Variants in PKP4 observed in about 807,000 individuals in gnomAD.
PKP4 encodes plakophilin-4.
In PKP4, 90 loss-of-function variants were observed where a neutral mutation model predicts 145.1. That is an observed-to-expected ratio of 0.62 (90% CI 0.52 to 0.74). The LOEUF (loss-of-function observed/expected upper bound fraction) is 0.74. PKP4 is among the 30% of genes least tolerant of loss of function. PKP4 has a pLI of 0.00. For missense variants in PKP4, 1,340 were observed against 1,482.7 expected (o/e 0.90, Z 1.58); for synonymous variants, 563 against 577.2 (o/e 0.98, Z 0.35).
intron 2 of PKP4, among the ~76,000 whole-genome samples, chr2:158,553,398 A>G (rs1235837129): frequency 6.6e-6 from 1 of 152,216 alleles, no homozygotes; most frequent in Non-Finnish European, 1.5e-5. Flanking sequence ...TGGATGACCC[A>G]CTTGTTTAAT....
At chr2:158,511,300 C>A (rs1346613452) in intron 1 of PKP4, among the ~76,000 whole-genome samples, 1 of 152,060 alleles carries the variant, frequency 6.6e-6, no homozygotes, top group African/African-American at 2.4e-5. Flanking sequence ...GCAGGAGAAT[C>A]ACTTGAACCC....
At chr2:158,485,660 A>G (rs1311744904) in intron 1 of PKP4, among the ~76,000 whole-genome samples, 1 of 152,210 alleles carries the variant, frequency 6.6e-6, no homozygotes, top group Non-Finnish European at 1.5e-5. Context: ...GGTCTCTTTT[A>G]TAAACAAAAC....
intron 7 of PKP4, among the ~76,000 whole-genome samples, 192 bp downstream of exon 7, chr2:158,625,619 A>G (rs2052701219): frequency 6.6e-6 from 1 of 152,214 alleles, no homozygotes; most frequent in African/African-American, 2.4e-5. Context: ...ATACATTTAT[A>G]TCAATAGAAT....
chr2:158,653,001 A>G (rs1282411540), intron 11 of PKP4, among the ~76,000 whole-genome samples: 1 of 152,228 alleles, frequency 6.6e-6, no homozygotes, highest in East Asian at 1.9e-4. Flanking sequence ...AAGAAGGAAA[A>G]TGCAGGGGCC....
intron 2 of PKP4, among the ~76,000 whole-genome samples, chr2:158,551,716 A>T (rs2045641698): frequency 6.6e-6 from 1 of 152,234 alleles, no homozygotes; most frequent in African/African-American, 2.4e-5. Context: ...TAGCTGTACC[A>T]TCAACCTCAT....
chr2:158,504,707 G>A (rs1469529455), intron 1 of PKP4, among the ~76,000 whole-genome samples: 1 of 151,856 alleles, frequency 6.6e-6, no homozygotes, highest in Non-Finnish European at 1.5e-5. Flanking sequence ...ACCTAATCTG[G>A]AATATAAATG....
At chr2:158,602,460 T>C (rs556232120) in intron 3 of PKP4, among the ~76,000 whole-genome samples, 2 of 152,298 alleles carry the variant, frequency 1.3e-5, no homozygotes, top group African/African-American at 2.4e-5. Flanking sequence ...CCTGTATTGA[T>C]TGGGGCAAGA....
chr2:158,577,255 T>C lies in PKP4; in HGVS notation c.133-16T>C, dbSNP rs2047931432. 1 of 1,586,492 alleles carries C rather than the reference T, an allele frequency of 6.3e-7. No individual in the cohort carries two copies. Among genetic ancestry groups the C allele is most frequent in the Non-Finnish European group, 8.6e-7 (1 of 1,157,980 alleles). On this transcript the variant is annotated splice_polypyrimidine_tract_variant and intron_variant, in intron 2 of 21. Transcript: ENST00000389759. ...ACCTTGGCGCCTTATATGCCTTTTA[T>C]TTTCTTGAATCACAGGAGCTTCAGT...
At chr2:158,666,375 C>CT in intron 15 of PKP4, 38 bp from the exon 16 acceptor site, 1 of 1,509,898 alleles carries the variant, frequency 6.6e-7, no homozygotes, top group Non-Finnish European at 8.8e-7. Flanking sequence ...GACTGGAACT[C>CT]TGTTTTATGT....
Position 158,597,273 on chromosome 2 carries a change from G to T in PKP4, c.246-5797G>T, listed in dbSNP as rs371731790. 1.1e-4 allele frequency among the ~76,000 whole-genome samples: 16 copies of T among 152,238 alleles called. 1 individual carries two copies. In the East Asian group the frequency reaches 3.1e-3, roughly 29 times the overall value. On this transcript the variant is annotated intron_variant, in intron 3 of 21. Coordinates refer to ENST00000389759, the MANE Select transcript of PKP4 (RefSeq NM_003628.6). ...AAATCAGGAGGAATCTGTCTCTTTT[G>T]CAGAATGATTGAAACAGTTTCTAAA...
In PKP4 at chr2:158,673,723, T is replaced by G; in HGVS notation, c.2971T>G (p.Leu991Val). 6.2e-7 allele frequency: 1 copy of G among 1,613,424 alleles called. No homozygotes were observed. Among genetic ancestry groups the G allele is most frequent in the South Asian group, 1.1e-5 (1 of 91,060 alleles). ...VKAAAQVLNT[L>V]WQYRDLRSIY... ...GGCAGCAGCCCAGGTCTTGAATACA[T>G]TATGGCAATATCGGGACCTCCGGAG... is the stretch of plus-strand genomic sequence containing the variant. The change falls in exon 18 of 22, where the codon TTA becomes GTA. Residue 991 changes from leucine to valine, a missense_variant. Coordinates refer to ENST00000389759, the MANE Select transcript of PKP4 (RefSeq NM_003628.6).
intron 1 of PKP4, among the ~76,000 whole-genome samples, chr2:158,530,775 T>G (rs2043465608): frequency 6.6e-6 from 1 of 152,102 alleles, no homozygotes; most frequent in Non-Finnish European, 1.5e-5. Flanking sequence ...TACCATTGGC[T>G]TTGCTCCTCA....
chr2:158,517,363 A>G (rs2042016164), intron 1 of PKP4, among the ~76,000 whole-genome samples: 1 of 152,184 alleles, frequency 6.6e-6, no homozygotes, highest in Admixed American at 6.5e-5. Flanking sequence ...CCCACCTAGA[A>G]TAGTGTCTTC....
chr2:158,509,390 G>A (rs1230770882), intron 1 of PKP4, among the ~76,000 whole-genome samples: 1 of 152,124 alleles, frequency 6.6e-6, no homozygotes, highest in African/African-American at 2.4e-5. Context: ...AATCAGAACA[G>A]ATATCTATAT....
chr2:158,582,634 CT>C (rs1173784499), intron 3 of PKP4, among the ~76,000 whole-genome samples: 2 of 152,160 alleles, frequency 1.3e-5, no homozygotes, highest in Non-Finnish European at 2.9e-5. Context: ...GGGGCTGAGG[CT>C]TAAGTGGTTT....
chr2:158,621,396 G>A lies in PKP4; in HGVS notation c.578G>A (p.Arg193Lys), dbSNP rs761525605. The A allele has an allele frequency of 6.2e-6, 10 of 1,614,110 alleles. No homozygotes were observed. The South Asian group carries it at 9.9e-5, about 16-fold the overall frequency. The part of the protein sequence containing the change: ...STNNHVVRNS[R>K]AEGQTLVQPS... ...AACAACCATGTGGTGAGGAATTCAA[G>A]AGCTGAAGGACAAACACTGGTTCAG... Residue 193 changes from arginine to lysine, a missense_variant, in exon 6 of 22, where the codon AGA becomes AAA. Coordinates refer to ENST00000389759, the MANE Select transcript of PKP4 (RefSeq NM_003628.6).
chr2:158,516,388 A>G (rs1156627130), intron 1 of PKP4, among the ~76,000 whole-genome samples: 1 of 152,188 alleles, frequency 6.6e-6, no homozygotes, highest in Non-Finnish European at 1.5e-5. Context: ...CTTGCTAACC[A>G]TAGGAACCTC....
At chr2:158,632,953 G>T (rs1169321488) in intron 8 of PKP4, among the ~76,000 whole-genome samples, 1 of 152,158 alleles carries the variant, frequency 6.6e-6, no homozygotes, top group Non-Finnish European at 1.5e-5. Flanking sequence ...ACAGTTACTG[G>T]AGGGATACCC....
intron 1 of PKP4, among the ~76,000 whole-genome samples, chr2:158,505,188 G>C (rs1434540060): frequency 6.6e-6 from 1 of 152,190 alleles, no homozygotes; most frequent in Admixed American, 6.5e-5. Context: ...TACTTTGTTA[G>C]CCATACAGGT....
Sources: allele counts gnomAD v4.1 joint callset (sites outside exome capture counted in the v4.1 genomes callset), GRCh38; gene constraint gnomAD v4.1.1; transcripts MANE v1.5; gene names NCBI Gene and HGNC (gene_info 2026-07-23, HGNC 2026-07-21).